The following SLC24A2 variants were observed in gnomAD, a reference collection of about 807,000 sequenced individuals.
SLC24A2 encodes the protein solute carrier family 24 member 2.
Under a neutral mutation model 62.0 loss-of-function variants are expected in SLC24A2, and 36 were observed. That is an observed-to-expected ratio of 0.58 (90% CI 0.44 to 0.77). The LOEUF (loss-of-function observed/expected upper bound fraction) is 0.77, where lower values mean the gene tolerates loss of function less well. Ranked by LOEUF, SLC24A2 falls within the 30% of genes least tolerant of loss-of-function variation. The probability of loss-of-function intolerance (pLI) is 0.00; values close to 1 mark genes in which losing one functional copy is unlikely to be tolerated. For missense variants in SLC24A2, 846 were observed against 817.9 expected, an observed-to-expected ratio of 1.03 and a Z score of -0.42; for synonymous variants, 358 against 294.0, an observed-to-expected ratio of 1.22 and a Z score of -2.23.
At chr9:19,556,134 G>C (rs964023593) in intron 7 of SLC24A2, among the ~76,000 whole-genome samples, 7 of 152,164 alleles carry the variant, frequency 4.6e-5, no homozygotes, top group African/African-American at 1.4e-4. Context: ...GGTAAAATCA[G>C]CTTGCCTTTA....
the SLC24A2 span, among the ~76,000 whole-genome samples, chr9:19,809,276 A>G: frequency 6.6e-6 from 1 of 152,234 alleles, no homozygotes; most frequent in Non-Finnish European, 1.5e-5. Context: ...AGAAAACAAC[A>G]AAATCTGTTG....
the SLC24A2 span, among the ~76,000 whole-genome samples, chr9:20,119,103 G>C: frequency 6.6e-6 from 1 of 152,170 alleles, no homozygotes; most frequent in Non-Finnish European, 1.5e-5. Context: ...ACAACAGCCA[G>C]CAAGAAGCTA....
chr9:20,292,902 G>C, the SLC24A2 span, among the ~76,000 whole-genome samples: 1 of 152,208 alleles, frequency 6.6e-6, no homozygotes, highest in African/African-American at 2.4e-5. Context: ...CTGTCTCACA[G>C]TTATGGAGGC....
chr9:20,100,740 C>A, the SLC24A2 span, among the ~76,000 whole-genome samples: 5 of 152,192 alleles, frequency 3.3e-5, no homozygotes, highest in East Asian at 1.9e-4. Context: ...AGTTGTCAGT[C>A]TGAATATTTC....
At chr9:19,707,008 G>C (rs568460763) in intron 2 of SLC24A2, among the ~76,000 whole-genome samples, 4 of 151,932 alleles carry the variant, frequency 2.6e-5, no homozygotes, top group Non-Finnish European at 5.9e-5. Flanking sequence ...TAGACCGCTA[G>C]CAAGACTAAT....
chr9:19,618,114 C>T (rs553048915), intron 4 of SLC24A2, among the ~76,000 whole-genome samples: 3 of 152,060 alleles, frequency 2.0e-5, no homozygotes, highest in Non-Finnish European at 2.9e-5. Context: ...CTGTAAGGTG[C>T]CAAAGATAAC....
At chr9:19,958,744 T>A in the SLC24A2 span, among the ~76,000 whole-genome samples, 1 of 152,190 alleles carries the variant, frequency 6.6e-6, no homozygotes, top group Non-Finnish European at 1.5e-5. Context: ...CATGGAGGCA[T>A]AATATAAATG....
the SLC24A2 span, among the ~76,000 whole-genome samples, chr9:20,163,293 C>G: frequency 6.6e-6 from 1 of 152,124 alleles, no homozygotes; most frequent in East Asian, 1.9e-4. Context: ...TCTCAGGATA[C>G]AAAATCAATG....
chr9:20,140,286 G>C, the SLC24A2 span, among the ~76,000 whole-genome samples: 1 of 152,208 alleles, frequency 6.6e-6, no homozygotes, highest in Non-Finnish European at 1.5e-5. Context: ...TACACAGAGA[G>C]AGTGGAATGC....
At chr9:19,992,997 A>AT in the SLC24A2 span, among the ~76,000 whole-genome samples, 1 of 152,094 alleles carries the variant, frequency 6.6e-6, no homozygotes, top group Non-Finnish European at 1.5e-5. Flanking sequence ...TGTCAGCCTT[A>AT]TTTTTTTCAT....
At chr9:19,767,479 G>A (rs1396742108) in intron 2 of SLC24A2, among the ~76,000 whole-genome samples, 1 of 152,246 alleles carries the variant, frequency 6.6e-6, no homozygotes, top group Non-Finnish European at 1.5e-5. Flanking sequence ...AAGACCATGG[G>A]AAAAGGGTCG....
At chr9:20,078,631 A>C in the SLC24A2 span, among the ~76,000 whole-genome samples, 1 of 151,664 alleles carries the variant, frequency 6.6e-6, no homozygotes, top group Admixed American at 6.6e-5. Context: ...CATTCCACCC[A>C]CCTCCATCTC....
chr9:20,108,599 C>G, the SLC24A2 span, among the ~76,000 whole-genome samples: 1 of 149,508 alleles, frequency 6.7e-6, no homozygotes, highest in African/African-American at 2.5e-5. Context: ...ATCGCAAGAA[C>G]AAAAAACCAA....
chr9:19,643,778 T>G (rs555126646), intron 2 of SLC24A2, among the ~76,000 whole-genome samples: 180 of 152,344 alleles, frequency 1.2e-3, no homozygotes, highest in African/African-American at 4.1e-3. Flanking sequence ...TTGTCAACTT[T>G]AAATTTTTTT....
intron 2 of SLC24A2, among the ~76,000 whole-genome samples, chr9:19,676,457 G>C (rs1215998971): frequency 6.6e-6 from 1 of 152,224 alleles, no homozygotes; most frequent in Non-Finnish European, 1.5e-5. Flanking sequence ...GAAATCTGAA[G>C]AGCTGGGCTC....
chr9:19,684,433 C>A (rs1397432160), intron 2 of SLC24A2, among the ~76,000 whole-genome samples: 1 of 151,992 alleles, frequency 6.6e-6, no homozygotes, highest in African/African-American at 2.4e-5. Flanking sequence ...CCGTGATGAT[C>A]AAAGAGAGAT....
At chr9:19,688,436 CTTTG>C (rs1437855887) in intron 2 of SLC24A2, among the ~76,000 whole-genome samples, 2 of 152,098 alleles carry the variant, frequency 1.3e-5, no homozygotes, top group African/African-American at 2.4e-5. Context: ...ATTTGTTAAT[CTTTG>C]TTTGAACACA....
chr9:20,052,903 T>C, the SLC24A2 span, among the ~76,000 whole-genome samples: 1 of 152,232 alleles, frequency 6.6e-6, no homozygotes, highest in Non-Finnish European at 1.5e-5. Context: ...CACTGGCATA[T>C]ATGACATCCA....
chr9:20,006,343 A>T, the SLC24A2 span, among the ~76,000 whole-genome samples: 1 of 151,672 alleles, frequency 6.6e-6, no homozygotes, highest in Non-Finnish European at 1.5e-5. Context: ...GGGTGAGGGG[A>T]GGGGGGATGG....
Sources: allele counts gnomAD v4.1 joint callset (sites outside exome capture counted in the v4.1 genomes callset), GRCh38; gene constraint gnomAD v4.1.1; transcripts MANE v1.5; gene names NCBI Gene and HGNC (gene_info 2026-07-23, HGNC 2026-07-21).